The following STARD13 variants were observed in gnomAD, a reference collection of about 807,000 sequenced individuals.
The protein encoded by STARD13 is StAR related lipid transfer domain containing 13, also known as stAR-related lipid transfer protein 13.
STARD13 carries 62 observed loss-of-function variants against 106.4 expected under a neutral mutation model. The ratio of observed to expected loss-of-function variants is 0.58; its 90% confidence interval spans 0.48 to 0.72. STARD13 has a LOEUF of 0.72. STARD13 is among the 30% of genes least tolerant of loss of function. STARD13 has a pLI of 0.00. For synonymous variants in STARD13, 565 were observed against 553.0 expected (o/e 1.02, Z -0.31); for missense variants, 1,387 against 1,424.0 (o/e 0.97, Z 0.42).
the STARD13 span, among the ~76,000 whole-genome samples, chr13:33,368,016 GTGGTT>G: frequency 1.1e-4 from 16 of 152,228 alleles, no homozygotes; most frequent in African/African-American, 3.4e-4. Context: ...TCCCGATAAT[GTGGTT>G]TGGGGTTTCC....
At chr13:33,481,843 G>A in the STARD13 span, among the ~76,000 whole-genome samples, 1 of 116,758 alleles carries the variant, frequency 8.6e-6, no homozygotes, top group Non-Finnish European at 1.8e-5. Flanking sequence ...GCCGGGCGTG[G>A]TGGTGGCGGG....
chr13:33,171,377 C>G (rs1031101344), intron 1 of STARD13, among the ~76,000 whole-genome samples: 1 of 152,204 alleles, frequency 6.6e-6, no homozygotes, highest in African/African-American at 2.4e-5. Flanking sequence ...TGGTGAAAAT[C>G]CAATCCATTC....
At chr13:33,299,805 C>T (rs1182636168) in intron 1 of STARD13, among the ~76,000 whole-genome samples, 1 of 152,138 alleles carries the variant, frequency 6.6e-6, no homozygotes, top group Non-Finnish European at 1.5e-5. Context: ...GCTTGGAATG[C>T]ATCAATGCAT....
chr13:33,586,619 G>A, the STARD13 span, among the ~76,000 whole-genome samples: 4 of 152,196 alleles, frequency 2.6e-5, no homozygotes, highest in African/African-American at 7.2e-5. Context: ...TGCCAACTTA[G>A]TGAAAGAGCC....
At chr13:33,112,243 C>T (rs916175265) in intron 9 of STARD13, among the ~76,000 whole-genome samples, 5 of 152,194 alleles carry the variant, frequency 3.3e-5, no homozygotes, top group Non-Finnish European at 7.3e-5. Context: ...TTTTCCTCCT[C>T]ACTCACACAG....
intron 1 of STARD13, among the ~76,000 whole-genome samples, chr13:33,248,039 G>T (rs1889917921): frequency 6.6e-6 from 1 of 152,132 alleles, no homozygotes; most frequent in South Asian, 2.1e-4. Flanking sequence ...TGAATAAATG[G>T]GCATATAACA....
the STARD13 span, among the ~76,000 whole-genome samples, chr13:33,408,624 G>T: frequency 7.9e-5 from 12 of 151,960 alleles, no homozygotes; most frequent in Admixed American, 2.6e-4. Flanking sequence ...TGACACAAAG[G>T]TACAACAATG....
the STARD13 span, among the ~76,000 whole-genome samples, chr13:33,437,754 T>C: frequency 6.6e-6 from 1 of 152,204 alleles, no homozygotes; most frequent in African/African-American, 2.4e-5. Context: ...TCAGAAAAAT[T>C]GTTCTCAGAT....
chr13:33,251,200 G>A (rs1890080030), intron 1 of STARD13, among the ~76,000 whole-genome samples: 1 of 152,150 alleles, frequency 6.6e-6, no homozygotes, highest in Non-Finnish European at 1.5e-5. Context: ...GGGAGATGAT[G>A]CTGCACAAAC....
chr13:33,349,023 T>C (rs2078044186), exon 2 of STARD13: 1 of 663,356 alleles, frequency 1.5e-6, no homozygotes. Flanking sequence ...TGTGGGTGCA[T>C]GGGTTTAAGG....
intron 1 of STARD13, among the ~76,000 whole-genome samples, chr13:33,206,724 T>C (rs1887438883): frequency 6.6e-6 from 1 of 152,234 alleles, no homozygotes; most frequent in African/African-American, 2.4e-5. Flanking sequence ...CAGTCTGCTC[T>C]GTAAGTGAGC....
rs369585248 is a variant in STARD13, at chr13:33,227,871, T to C, written c.169+57599A>G. Among the ~76,000 whole-genome samples the C allele has an allele frequency of 1.8e-3, 275 of 152,148 alleles. 5 individuals are homozygous for C. In the South Asian group the frequency reaches 0.031, roughly 17 times the overall value. ...ACTGAGGTTAAAGTGATGAGGAGAA[T>C]ACTGCAAAGCACAACACCATCCTGA... On this transcript the variant is annotated intron_variant, in intron 1 of 13. Coordinates refer to ENST00000336934, the MANE Select transcript of STARD13 (RefSeq NM_178006.4).
the STARD13 span, among the ~76,000 whole-genome samples, chr13:33,650,782 CT>C: frequency 5.3e-3 from 812 of 152,360 alleles, 6 homozygotes; most frequent in Non-Finnish European, 9.6e-3. Flanking sequence ...GGCTCTGCCC[CT>C]GTGAATGCAG....
rs570001876 is a variant in STARD13, at chr13:33,323,853, T to C, written c.124+26437A>G. On this transcript the variant is annotated intron_variant, in intron 1 of 5. Transcript: ENST00000567873. The stretch of plus-strand genomic sequence containing the variant: ...TAATTTCTATTCTGGTGTTATTCCC[T>C]TTTGGTCTGGTTTCACAGTCTCTAC... Among the ~76,000 whole-genome samples the C allele has an allele frequency of 2.8e-4, 42 of 152,308 alleles. 1 individual carries two copies. The East Asian group carries it at 7.7e-3, about 28-fold the overall frequency.
chr13:33,607,485 A>T, the STARD13 span, among the ~76,000 whole-genome samples: 1 of 151,874 alleles, frequency 6.6e-6, no homozygotes, highest in Non-Finnish European at 1.5e-5. Context: ...TTTAGTAGAG[A>T]TGAGGTTTCA....
At chr13:33,672,740 T>A in the STARD13 span, among the ~76,000 whole-genome samples, 1 of 152,228 alleles carries the variant, frequency 6.6e-6, no homozygotes, top group Non-Finnish European at 1.5e-5. Flanking sequence ...CTTGAATATA[T>A]AATGATGGGA....
downstream of STARD13, among the ~76,000 whole-genome samples, chr13:33,346,839 A>G (rs141516649): frequency 0.016 from 2,393 of 151,484 alleles, 73 homozygotes; most frequent in African/African-American, 0.053. Context: ...GGGTTTCACT[A>G]TGTTGGCCAG....
intron 1 of STARD13, among the ~76,000 whole-genome samples, chr13:33,221,640 G>C (rs955475229): frequency 6.6e-6 from 1 of 152,118 alleles, no homozygotes; most frequent in Non-Finnish European, 1.5e-5. Flanking sequence ...TGCAGGACTG[G>C]CTATAAGACT....
the STARD13 span, among the ~76,000 whole-genome samples, chr13:33,664,242 A>G: frequency 1.3e-5 from 2 of 152,016 alleles, no homozygotes; most frequent in South Asian, 2.1e-4. Flanking sequence ...CACTCTTCCC[A>G]TTTCCTTTTT....
Sources: allele counts gnomAD v4.1 joint callset (sites outside exome capture counted in the v4.1 genomes callset), GRCh38; gene constraint gnomAD v4.1.1; transcripts MANE v1.5; gene names NCBI Gene and HGNC (gene_info 2026-07-23, HGNC 2026-07-21).